The following SLC25A48 variants were observed in gnomAD, a reference collection of about 807,000 sequenced individuals.
SLC25A48 encodes CTC-321K16.1.
A neutral mutation model predicts 32.2 loss-of-function variants in SLC25A48; 29 were observed. The ratio of observed to expected loss-of-function variants is 0.90; its 90% CI spans 0.67 to 1.23. SLC25A48 has a LOEUF of 1.23. SLC25A48 is among the 50% of genes most tolerant of loss of function. The pLI is 0.00. For missense variants in SLC25A48, 399 were observed against 422.7 expected, an observed-to-expected ratio of 0.94 and a Z score of 0.49; for synonymous variants, 164 against 172.3, an observed-to-expected ratio of 0.95 and a Z score of 0.38.
intron 3 of SLC25A48, among the ~76,000 whole-genome samples, chr5:135,796,597 C>T (rs1032376027): frequency 4.1e-5 from 6 of 146,572 alleles, no homozygotes; most frequent in South Asian, 2.2e-4. Context: ...ATATTACTCC[C>T]CATATTGCAA....
chr5:135,659,994 C>G (rs1753355100), intron 3 of SLC25A48, among the ~76,000 whole-genome samples: 1 of 152,204 alleles, frequency 6.6e-6, no homozygotes, highest in South Asian at 2.1e-4. Context: ...CAAACCATAA[C>G]AGTGTTGAAG....
At chr5:135,813,781 A>G (rs567673805) in intron 4 of SLC25A48, among the ~76,000 whole-genome samples, 7 of 152,236 alleles carry the variant, frequency 4.6e-5, no homozygotes, top group Admixed American at 6.5e-5. Flanking sequence ...AATGTTGGGA[A>G]AAAGGGGAGA....
chr5:135,619,135 A>G (rs966479753), intron 1 of SLC25A48, among the ~76,000 whole-genome samples: 1 of 152,074 alleles, frequency 6.6e-6, no homozygotes, highest in Non-Finnish European at 1.5e-5. Flanking sequence ...AACTATGAAT[A>G]TTTGGTCACT....
intron 4 of SLC25A48, chr5:135,821,709 G>A (rs1030822266): frequency 6.6e-6 from 1 of 152,254 alleles, no homozygotes; most frequent in African/African-American, 2.4e-5. Flanking sequence ...AGTCTCCATG[G>A]TAACAGAGCC....
chr5:135,882,139 A>G (rs1762520120), intron 7 of SLC25A48, among the ~76,000 whole-genome samples: 1 of 152,248 alleles, frequency 6.6e-6, no homozygotes, highest in Non-Finnish European at 1.5e-5. Flanking sequence ...TGCAAGGGGC[A>G]TAGATGTCTG....
chr5:135,647,056 T>A (rs976807187), intron 3 of SLC25A48, among the ~76,000 whole-genome samples: 12 of 149,402 alleles, frequency 8.0e-5, no homozygotes, highest in African/African-American at 1.2e-4. Context: ...GTTAATTAGG[T>A]CAATTGTGGT....
At chr5:135,620,222 A>G (rs1316254156) in intron 1 of SLC25A48, among the ~76,000 whole-genome samples, 1 of 151,986 alleles carries the variant, frequency 6.6e-6, no homozygotes, top group Non-Finnish European at 1.5e-5. Context: ...GGTTGATTGG[A>G]CCTGACTTCA....
chr5:135,647,744 C>G (rs1253466830), intron 3 of SLC25A48, among the ~76,000 whole-genome samples: 6 of 152,188 alleles, frequency 3.9e-5, no homozygotes, highest in Non-Finnish European at 7.3e-5. Context: ...TTGGGCCTTC[C>G]TCACCATCCC....
intron 3 of SLC25A48, among the ~76,000 whole-genome samples, chr5:135,744,381 C>T (rs1755586717): frequency 6.6e-6 from 1 of 151,908 alleles, no homozygotes; most frequent in Non-Finnish European, 1.5e-5. Context: ...GACAGGGTCT[C>T]ACTCTGTCAC....
chr5:135,652,029 T>G (rs1753126666), intron 3 of SLC25A48, among the ~76,000 whole-genome samples: 1 of 152,208 alleles, frequency 6.6e-6, no homozygotes, highest in African/African-American at 2.4e-5. Flanking sequence ...AATAACATGC[T>G]CAGAAGCTGT....
chr5:135,794,408 G>T (rs1757112721), intron 3 of SLC25A48, among the ~76,000 whole-genome samples: 1 of 151,398 alleles, frequency 6.6e-6, no homozygotes, highest in African/African-American at 2.4e-5. Context: ...TGATATCACT[G>T]CCAATATCGC....
chr5:135,813,615 A>G (rs17737976), intron 4 of SLC25A48, among the ~76,000 whole-genome samples: 57,940 of 152,092 alleles, frequency 0.38, 12,577 homozygotes, highest in Non-Finnish European at 0.49. Context: ...TGAAAAGGGG[A>G]CATTACTCTG....
intron 3 of SLC25A48, among the ~76,000 whole-genome samples, chr5:135,761,819 C>G (rs1014803035): frequency 6.6e-6 from 1 of 152,166 alleles, no homozygotes; most frequent in Non-Finnish European, 1.5e-5. Flanking sequence ...TCCCCAGGAG[C>G]AGGATTCCAG....
chr5:135,677,704 G>A (rs1272749554), intron 3 of SLC25A48, among the ~76,000 whole-genome samples: 1 of 152,090 alleles, frequency 6.6e-6, no homozygotes, highest in Admixed American at 6.5e-5. Context: ...TATAAGGCTG[G>A]ACTAGTGGTG....
In SLC25A48 at chr5:135,734,816, C is replaced by G. The variant is rs1174398735; in HGVS notation, c.-520-77707C>G. Among the ~76,000 whole-genome samples, 5 of 47,640 alleles carry G rather than the reference C, an allele frequency of 1.0e-4. No homozygotes were observed. In the South Asian group the frequency reaches 3.7e-3, roughly 35 times the overall value. The allele number at this position is 47,640 out of a possible 152,430, so 31.3% of individuals were successfully genotyped here. On this transcript the variant is annotated intron_variant, in intron 3 of 10. Transcript: ENST00000646290. Reference sequence around the variant, plus strand: ...TGGGCGACAGAGCAAGACTGCATCTCAAAACAAAAAAAAAAAAAAAGAAGA... The same window carrying G: ...TGGGCGACAGAGCAAGACTGCATCTGAAAACAAAAAAAAAAAAAAAGAAGA...
intron 3 of SLC25A48, among the ~76,000 whole-genome samples, chr5:135,640,632 G>A (rs1752813206): frequency 6.6e-6 from 1 of 152,002 alleles, no homozygotes; most frequent in South Asian, 2.1e-4. Flanking sequence ...TATATAAAAA[G>A]TATTATACTA....
intron 3 of SLC25A48, among the ~76,000 whole-genome samples, chr5:135,745,306 C>T (rs1436574793): frequency 6.6e-6 from 1 of 152,200 alleles, no homozygotes; most frequent in Non-Finnish European, 1.5e-5. Context: ...AGGCACAGAT[C>T]GCTCATGCTA....
At chr5:135,846,127 T>C (rs1319410250) in intron 2 of SLC25A48, among the ~76,000 whole-genome samples, 1 of 151,964 alleles carries the variant, frequency 6.6e-6, no homozygotes, top group Non-Finnish European at 1.5e-5. Context: ...CAAACCCTAT[T>C]ATGAACTGCG....
chr5:135,887,381 G>T (rs1395332360), intron 7 of SLC25A48, among the ~76,000 whole-genome samples: 1 of 152,098 alleles, frequency 6.6e-6, no homozygotes, highest in African/African-American at 2.4e-5. Flanking sequence ...ACATCTTAGT[G>T]TTCTATGAAA....
Sources: allele counts gnomAD v4.1 joint callset (sites outside exome capture counted in the v4.1 genomes callset), GRCh38; gene constraint gnomAD v4.1.1; transcripts MANE v1.5; gene names NCBI Gene and HGNC (gene_info 2026-07-23, HGNC 2026-07-21).